Variants in GALNT13 observed in about 807,000 individuals in gnomAD.
The protein encoded by GALNT13 is UDP-GalNAc:polypeptide N-acetylgalactosaminyltransferase 13.
In GALNT13, 28 loss-of-function variants were observed where a neutral mutation model predicts 64.2. The ratio of observed to expected loss-of-function variants is 0.44; its 90% CI spans 0.32 to 0.60. The LOEUF is 0.60. Among genes scored for constraint, GALNT13 ranks in the 20% least tolerant of loss-of-function variants. The pLI is 0.05. For missense variants in GALNT13, 577 were observed against 669.8 expected, an observed-to-expected ratio of 0.86 and a Z score of 1.53; for synonymous variants, 214 against 224.6, an observed-to-expected ratio of 0.95 and a Z score of 0.42.
the GALNT13 span, among the ~76,000 whole-genome samples, chr2:153,292,546 T>A: frequency 6.6e-6 from 1 of 151,758 alleles, no homozygotes; most frequent in Non-Finnish European, 1.5e-5. Context: ...AGGCACAGAG[T>A]GTGAGAAAAG....
chr2:153,101,812 T>C, the GALNT13 span, among the ~76,000 whole-genome samples: 2 of 152,388 alleles, frequency 1.3e-5, no homozygotes, highest in East Asian at 3.9e-4. Flanking sequence ...CACGTGCTCA[T>C]GCACATCTGT....
At chr2:153,866,331 GATTT>G in the GALNT13 span, among the ~76,000 whole-genome samples, 2 of 152,102 alleles carry the variant, frequency 1.3e-5, no homozygotes, top group South Asian at 2.1e-4. Flanking sequence ...TAAATGGTTG[GATTT>G]ATTTATCCAT....
At chr2:154,440,855 G>A (rs1321970507) in intron 12 of GALNT13, among the ~76,000 whole-genome samples, 2 of 152,052 alleles carry the variant, frequency 1.3e-5, no homozygotes, top group African/African-American at 4.8e-5. Flanking sequence ...GCTTTGATGT[G>A]CGATTATATT....
chr2:154,228,897 A>G (rs1204959583), intron 4 of GALNT13, among the ~76,000 whole-genome samples: 1 of 152,066 alleles, frequency 6.6e-6, no homozygotes, highest in Non-Finnish European at 1.5e-5. Context: ...AAGCTTTAAG[A>G]TCAGAAAGGT....
At chr2:153,872,486 G>A (rs988540618) in intron 1 of GALNT13, among the ~76,000 whole-genome samples, 183 bp downstream of exon 1, 5 of 152,132 alleles carry the variant, frequency 3.3e-5, no homozygotes, top group African/African-American at 7.2e-5. Flanking sequence ...CTGGCGACGC[G>A]GCCTCCCGGG....
chr2:154,409,069 T>G lies in GALNT13; in HGVS notation c.1382T>G (p.Met461Arg). The G allele has an allele frequency of 6.2e-7, 1 of 1,604,306 alleles. No individual in the cohort carries two copies. Among genetic ancestry groups the G allele is most frequent in the Non-Finnish European group, 8.5e-7 (1 of 1,171,580 alleles). The change falls in exon 11 of 13, where the codon ATG becomes AGG. Residue 461 changes from methionine to arginine, a missense_variant. By Grantham distance (91) the Met-to-Arg change is moderately conservative. Around this residue, in one of 3 missense-constraint regions of GALNT13, gnomAD observed 232 missense variants for 270.6 expected, o/e 0.86. Transcript: ENST00000392825. ...GTGGGTATATTCAACTGTCATGGTATGGGAGGAAATCAGGTAAACTCTCCC... is the reference window on the plus strand; with the variant it reads ...GTGGGTATATTCAACTGTCATGGTAGGGGAGGAAATCAGGTAAACTCTCCC... ...EKVGIFNCHG[M>R]GGNQVFSYTA... is the part of the protein sequence containing the mutation.
the GALNT13 span, among the ~76,000 whole-genome samples, chr2:153,189,575 C>A: frequency 3.3e-5 from 5 of 152,060 alleles, no homozygotes; most frequent in African/African-American, 1.2e-4. Flanking sequence ...GTGCATGTAT[C>A]CTTTTGACAC....
the GALNT13 span, among the ~76,000 whole-genome samples, chr2:153,522,348 AAGAG>A: frequency 1.3e-5 from 2 of 151,640 alleles, no homozygotes; most frequent in African/African-American, 4.8e-5. Context: ...GAAAAAAATA[AAGAG>A]AGAGAGAGAG....
rs79284316 is a variant in GALNT13, at chr2:154,294,636, C to T, written c.976-6773C>T. ...AAATGAGAGCCTTCAGAAATGAAGACCTAAAGATCCAAGAATTTTCATCCT... is the reference window on the plus strand; with the variant it reads ...AAATGAGAGCCTTCAGAAATGAAGATCTAAAGATCCAAGAATTTTCATCCT... On this transcript the variant is annotated intron_variant, in intron 8 of 12. Coordinates refer to ENST00000392825, the MANE Select transcript of GALNT13 (RefSeq NM_052917.4). 8.7e-3 allele frequency among the ~76,000 whole-genome samples: 1,318 copies of T among 152,154 alleles called. 13 individuals are homozygous for T. Among genetic ancestry groups the T allele is most frequent in the South Asian group, 0.036 (173 of 4,810 alleles).
At chr2:153,743,197 A>G in the GALNT13 span, among the ~76,000 whole-genome samples, 1 of 152,056 alleles carries the variant, frequency 6.6e-6, no homozygotes, top group African/African-American at 2.4e-5. Flanking sequence ...AGGTTGTGTT[A>G]ATTAAAATTC....
intron 3 of GALNT13, among the ~76,000 whole-genome samples, chr2:154,119,687 G>C (rs1042277116): frequency 2.6e-5 from 4 of 152,016 alleles, no homozygotes; most frequent in Non-Finnish European, 5.9e-5. Context: ...CTGATCCTTT[G>C]ATTTGTTTGT....
chr2:153,650,911 AAACC>A, the GALNT13 span, among the ~76,000 whole-genome samples: 1 of 152,140 alleles, frequency 6.6e-6, no homozygotes, highest in Non-Finnish European at 1.5e-5. Flanking sequence ...TTTTATAAAT[AAACC>A]TGTAACTTTG....
At chr2:154,396,223 T>C (rs1176022570) in intron 10 of GALNT13, 93 bp downstream of exon 10, 2 of 747,176 alleles carry the variant, frequency 2.7e-6, no homozygotes, top group African/African-American at 1.8e-5. Context: ...ATGAAAATGC[T>C]GTAAGGGATT....
At chr2:153,148,537 A>G in the GALNT13 span, among the ~76,000 whole-genome samples, 2 of 149,774 alleles carry the variant, frequency 1.3e-5, no homozygotes, top group Non-Finnish European at 3.0e-5. Context: ...TTTGGAAGAT[A>G]GAACGCAAGA....
the GALNT13 span, among the ~76,000 whole-genome samples, chr2:153,256,958 C>T: frequency 5.3e-5 from 8 of 152,366 alleles, no homozygotes; most frequent in Admixed American, 1.3e-4. Context: ...GGCAGGCCTC[C>T]TTGAGCTGTG....
At chr2:154,016,771 A>C (rs1697037960) in intron 3 of GALNT13, among the ~76,000 whole-genome samples, 1 of 152,228 alleles carries the variant, frequency 6.6e-6, no homozygotes, top group Non-Finnish European at 1.5e-5. Context: ...TTTATATAAA[A>C]CAACTAGAAA....
the GALNT13 span, among the ~76,000 whole-genome samples, chr2:153,233,486 T>TAAAA: frequency 6.7e-6 from 1 of 150,356 alleles, no homozygotes; most frequent in African/African-American, 2.4e-5. Context: ...ACCTTATTTT[T>TAAAA]AAAAAAAAAA....
At chr2:153,420,810 C>G in the GALNT13 span, 3 of 233,192 alleles carry the variant, frequency 1.3e-5, no homozygotes, top group East Asian at 2.2e-4. Flanking sequence ...AACAAAGGAA[C>G]AGTTGGCATA....
the GALNT13 span, among the ~76,000 whole-genome samples, chr2:153,596,814 A>C: frequency 6.6e-6 from 1 of 152,074 alleles, no homozygotes; most frequent in Non-Finnish European, 1.5e-5. Flanking sequence ...AAGACTCATC[A>C]GTGGGAAAAT....
Sources: gnomAD v4.1 joint callset for allele counts (sites outside exome capture counted in the v4.1 genomes callset) on GRCh38, gnomAD v4.1.1 for gene constraint, gnomAD v4.1.1 regional missense constraint, MANE v1.5 for transcripts, NCBI Gene and HGNC (gene_info 2026-07-23, HGNC 2026-07-21) for gene names.